ADGRL3: variants seen among roughly 807,000 people sequenced by gnomAD.
ADGRL3 encodes calcium-independent alpha-latrotoxin receptor 3.
A neutral mutation model predicts 153.5 loss-of-function variants in ADGRL3; 62 were observed. The ratio of observed to expected loss-of-function variants is 0.40; its 90% confidence interval spans 0.33 to 0.50. The LOEUF is 0.50. ADGRL3 is among the 20% of genes least tolerant of loss of function. The probability of loss-of-function intolerance (pLI) is 0.47; values close to 1 mark genes in which losing one functional copy is unlikely to be tolerated. For synonymous variants in ADGRL3, 710 were observed against 672.5 expected, an observed-to-expected ratio of 1.06 and a Z score of -0.86; for missense variants, 1,641 against 1,859.4, an observed-to-expected ratio of 0.88 and a Z score of 2.16.
At position 62,056,692 on chromosome 4, in the gene ADGRL3, G is replaced by A. The variant is rs544642714; in HGVS notation, c.3815-11474G>A. ...AAAAACAGAGAGACATCACTCAATA[G>A]TAACTCTGTTTTATGCAAAACTCTA... On this transcript the variant is annotated intron_variant, in intron 25 of 26. Coordinates refer to ENST00000683033, the MANE Select transcript of ADGRL3 (RefSeq NM_001387552.1). Among the ~76,000 whole-genome samples the A allele has an allele frequency of 1.6e-4, 25 of 152,090 alleles. No individual in the cohort carries two copies. In the East Asian group the frequency reaches 4.8e-3, roughly 29 times the overall value.
chr4:61,310,010 G>A (rs948789064), intron 1 of ADGRL3, among the ~76,000 whole-genome samples: 3 of 151,734 alleles, frequency 2.0e-5, no homozygotes, highest in South Asian at 2.1e-4. Flanking sequence ...TGTGCTGAAT[G>A]TATATGCACT....
intron 21 of ADGRL3, among the ~76,000 whole-genome samples, chr4:62,003,180 G>T (rs972754421): frequency 6.6e-6 from 1 of 152,072 alleles, no homozygotes; most frequent in Non-Finnish European, 1.5e-5. Context: ...TTCTGTATCC[G>T]TCCCTTTGCG....
At position 61,791,796 on chromosome 4, in the gene ADGRL3, T is replaced by A. The variant is rs191583130; in HGVS notation, c.1400-22013T>A. Among the ~76,000 whole-genome samples, 6 of 152,338 alleles carry A rather than the reference T, an allele frequency of 3.9e-5. No individual in the cohort carries two copies. In the East Asian group the frequency reaches 1.2e-3, roughly 29 times the overall value. ...TCTTGACTTATCTGGACTCTCAGACTCAGCACCATGTGGAAGCTGCCAAGG... is the reference window on the plus strand; with the variant it reads ...TCTTGACTTATCTGGACTCTCAGACACAGCACCATGTGGAAGCTGCCAAGG... On this transcript the variant is annotated intron_variant, in intron 8 of 26. Coordinates refer to ENST00000683033, the MANE Select transcript of ADGRL3 (RefSeq NM_001387552.1).
intron 6 of ADGRL3, among the ~76,000 whole-genome samples, chr4:61,714,453 C>A (rs527616515): frequency 1.3e-5 from 2 of 152,148 alleles, no homozygotes; most frequent in East Asian, 3.9e-4. Flanking sequence ...CTGATTTCGG[C>A]CAAACTGAAA....
chr4:61,813,174 C>A (rs781414646), intron 8 of ADGRL3, among the ~76,000 whole-genome samples: 3 of 152,156 alleles, frequency 2.0e-5, no homozygotes, highest in East Asian at 1.9e-4. Flanking sequence ...GCGAGTGGAT[C>A]ACGAGGTCAG....
intron 8 of ADGRL3, among the ~76,000 whole-genome samples, chr4:61,791,911 A>T (rs1299975699): frequency 6.6e-6 from 1 of 152,150 alleles, no homozygotes; most frequent in African/African-American, 2.4e-5. Flanking sequence ...CAGGGTACCA[A>T]GAGGAGGGGA....
At chr4:61,976,181 G>T (rs186450259) in intron 17 of ADGRL3, among the ~76,000 whole-genome samples, 1 of 152,262 alleles carries the variant, frequency 6.6e-6, no homozygotes, top group African/African-American at 2.4e-5. Context: ...TATATAGTTT[G>T]TTTTATAGGT....
intron 1 of ADGRL3, among the ~76,000 whole-genome samples, chr4:61,375,675 G>A (rs908352120): frequency 2.0e-5 from 3 of 151,916 alleles, no homozygotes; most frequent in Non-Finnish European, 4.4e-5. Context: ...CTCTGTAAAC[G>A]GTAAATATCT....
chr4:61,766,946 G>T (rs1434363724), intron 8 of ADGRL3, among the ~76,000 whole-genome samples: 2 of 152,020 alleles, frequency 1.3e-5, no homozygotes, highest in Admixed American at 6.5e-5. Flanking sequence ...TAAAATGGGG[G>T]AATTGTAAGG....
chr4:61,966,573 G>GGTGTGTGTGTGTGTGT (rs5858746), intron 17 of ADGRL3, among the ~76,000 whole-genome samples: 2 of 145,938 alleles, frequency 1.4e-5, no homozygotes, highest in African/African-American at 5.0e-5. Flanking sequence ...TTTCAAAAGG[G>GGTGTGTGTGTGTGTGT]GTGTGTGTGT....
chr4:61,392,346 T>C (rs1217717699), intron 2 of ADGRL3, among the ~76,000 whole-genome samples: 1 of 152,002 alleles, frequency 6.6e-6, no homozygotes, highest in African/African-American at 2.4e-5. Context: ...TCACGTCAAG[T>C]GCCCTTCAGA....
At position 61,733,140 on chromosome 4, in the gene ADGRL3, T is replaced by A. The variant is rs972384097; in HGVS notation, c.985T>A (p.Ser329Thr). 1.2e-5 allele frequency: 20 copies of A among 1,613,198 alleles called. No individual in the cohort carries two copies. The highest frequency in any genetic ancestry group is 1.6e-5 in the Non-Finnish European group (19 of 1,179,624). Residue 329 changes from serine (S) to threonine (T), a missense_variant, in exon 8 of 27, where the codon TCT (serine) becomes ACT (threonine). This residue lies in a region of ADGRL3 where 213 missense variants were observed against 362.1 expected (regional missense o/e 0.59). Coordinates refer to ENST00000683033, the MANE Select transcript of ADGRL3 (RefSeq NM_001387552.1). ...DTSPYRWGGK[S>T]DIDLAVDENG... ...CTCCCCTTACCGATGGGGAGGCAAA[T>A]CTGACATAGACCTGGCAGTAGATGA...
intron 2 of ADGRL3, among the ~76,000 whole-genome samples, chr4:61,397,551 G>T (rs2096882657): frequency 6.6e-6 from 1 of 151,814 alleles, no homozygotes; most frequent in East Asian, 1.9e-4. Flanking sequence ...CTCAATTCCT[G>T]GTTTGCTCTG....
chr4:61,321,476 C>T (rs1036108703), intron 1 of ADGRL3, among the ~76,000 whole-genome samples: 3 of 151,606 alleles, frequency 2.0e-5, no homozygotes, highest in Non-Finnish European at 4.4e-5. Context: ...TTTTTTATAA[C>T]AGTCATATGT....
intron 11 of ADGRL3, among the ~76,000 whole-genome samples, chr4:61,898,429 C>T (rs1259089673): frequency 1.3e-5 from 2 of 152,016 alleles, no homozygotes; most frequent in African/African-American, 4.8e-5. Flanking sequence ...GAAAGGAGAA[C>T]AACTCTCTCT....
chr4:61,742,305 G>A (rs2151927881), intron 8 of ADGRL3, among the ~76,000 whole-genome samples: 1 of 152,082 alleles, frequency 6.6e-6, no homozygotes, highest in African/African-American at 2.4e-5. Flanking sequence ...TTGAGATGGA[G>A]TCTCACTCTG....
At chr4:61,563,418 G>A (rs1298913759) in intron 4 of ADGRL3, among the ~76,000 whole-genome samples, 1 of 152,152 alleles carries the variant, frequency 6.6e-6, no homozygotes, top group South Asian at 2.1e-4. Flanking sequence ...AGGATTTTCA[G>A]AGTGGTAAAT....
chr4:61,339,833 C>G (rs2095767450), intron 1 of ADGRL3, among the ~76,000 whole-genome samples: 2 of 152,142 alleles, frequency 1.3e-5, no homozygotes, highest in South Asian at 4.1e-4. Flanking sequence ...TCTTGGGTCT[C>G]TCTGTCTTTG....
At chr4:61,768,943 C>T (rs1260650525) in intron 8 of ADGRL3, among the ~76,000 whole-genome samples, 12 of 150,430 alleles carry the variant, frequency 8.0e-5, no homozygotes, top group East Asian at 2.0e-4. Context: ...TGGAAATACG[C>T]GATTGGGGCA....
Sources: gnomAD v4.1 joint callset for allele counts (sites outside exome capture counted in the v4.1 genomes callset) on GRCh38, gnomAD v4.1.1 for gene constraint, gnomAD v4.1.1 regional missense constraint, MANE v1.5 for transcripts, NCBI Gene and HGNC (gene_info 2026-07-23, HGNC 2026-07-21) for gene names.